The following ANKRD26 variants were observed in gnomAD, a reference collection of about 807,000 sequenced individuals.
The protein encoded by ANKRD26 is ankyrin repeat domain-containing protein 26.
A neutral mutation model predicts 208.7 loss-of-function variants in ANKRD26; 141 were observed. That is an observed-to-expected ratio of 0.68 (90% CI 0.59 to 0.78). The LOEUF (loss-of-function observed/expected upper bound fraction) is 0.78. ANKRD26 is among the 30% of genes least tolerant of loss of function. ANKRD26 has a pLI of 0.00. For missense variants in ANKRD26, 1,889 were observed against 1,938.7 expected (o/e 0.97, Z 0.48); for synonymous variants, 636 against 660.4 (o/e 0.96, Z 0.57).
chr10:27,028,336 C>T (rs1279505465), intron 27 of ANKRD26, among the ~76,000 whole-genome samples: 9 of 152,038 alleles, frequency 5.9e-5, no homozygotes, highest in East Asian at 1.9e-4. Flanking sequence ...GTGGCTCATA[C>T]CTGTAATCCC....
chr10:27,082,866 TCAA>T (rs1246363304), intron 5 of ANKRD26, 33 bp from the exon 6 acceptor site: 1 of 1,569,018 alleles, frequency 6.4e-7, no homozygotes, highest in Non-Finnish European at 8.7e-7. Context: ...ACACTTTAAA[TCAA>T]CAATAGAAAA....
intron 1 of ANKRD26, among the ~76,000 whole-genome samples, chr10:27,097,985 C>T: frequency 6.6e-6 from 1 of 151,626 alleles, no homozygotes; most frequent in East Asian, 2.0e-4. Context: ...TTTTTATTGT[C>T]ATAAGGACAC....
chr10:27,040,232 C>T (rs1003497280), intron 20 of ANKRD26, 54 bp from the exon 21 acceptor site: 79 of 1,268,926 alleles, frequency 6.2e-5, no homozygotes, highest in Non-Finnish European at 8.0e-5. Flanking sequence ...CCATATAACA[C>T]ACTGTGCACT....
At chr10:27,074,416 CACGG>C in intron 9 of ANKRD26, among the ~76,000 whole-genome samples, 1 of 152,208 alleles carries the variant, frequency 6.6e-6, no homozygotes, top group African/African-American at 2.4e-5. Flanking sequence ...CATGGTGGCT[CACGG>C]CTGCAATCCC....
chr10:27,038,647 T>C (rs1376334165), intron 21 of ANKRD26, among the ~76,000 whole-genome samples: 2 of 140,376 alleles, frequency 1.4e-5, no homozygotes, highest in African/African-American at 5.8e-5. Context: ...TGAGATTCCA[T>C]CTCAAAAAAA....
intron 21 of ANKRD26, among the ~76,000 whole-genome samples, chr10:27,038,600 G>A (rs537564915): frequency 2.8e-4 from 42 of 150,812 alleles, no homozygotes; most frequent in African/African-American, 4.6e-4. Context: ...GCAGTGAGCC[G>A]AGATTGTGCC....
At chr10:27,083,112 C>G (rs986173960) in intron 5 of ANKRD26, among the ~76,000 whole-genome samples, 2 of 152,144 alleles carry the variant, frequency 1.3e-5, no homozygotes, top group Non-Finnish European at 2.9e-5. Context: ...ACCTAGGAAT[C>G]AGCTGAGATT....
chr10:27,020,154 AATT>A (rs139320201), intron 29 of ANKRD26, among the ~76,000 whole-genome samples: 2,213 of 152,254 alleles, frequency 0.015, 33 homozygotes, highest in Middle Eastern at 0.031. Context: ...TCATGGGATG[AATT>A]ATTTTCTCCT....
chr10:27,020,023 A>G (rs1376507609), intron 29 of ANKRD26, among the ~76,000 whole-genome samples: 1 of 152,162 alleles, frequency 6.6e-6, no homozygotes, highest in Non-Finnish European at 1.5e-5. Context: ...CTGGGTTCCA[A>G]CGGCAAGGAG....
intron 5 of ANKRD26, among the ~76,000 whole-genome samples, chr10:27,086,140 A>C (rs925981413): frequency 8.5e-5 from 13 of 152,140 alleles, no homozygotes; most frequent in Non-Finnish European, 1.5e-4. Context: ...ACTGTAATTA[A>C]TATTCATTTA....
chr10:27,013,959 C>T (rs1426806557), intron 31 of ANKRD26, among the ~76,000 whole-genome samples: 1 of 152,160 alleles, frequency 6.6e-6, no homozygotes, highest in Non-Finnish European at 1.5e-5. Flanking sequence ...GTTAATCATT[C>T]CCTATTTCAC....
chr10:26,973,846 G>A (rs998326384), downstream of ANKRD26, among the ~76,000 whole-genome samples: 7 of 151,492 alleles, frequency 4.6e-5, no homozygotes, highest in African/African-American at 7.3e-5. Flanking sequence ...TAGTAGAGAC[G>A]GGGTTTCGCC....
intron 29 of ANKRD26, among the ~76,000 whole-genome samples, chr10:27,019,735 T>C (rs894363469): frequency 6.6e-5 from 10 of 152,380 alleles, no homozygotes; most frequent in Non-Finnish European, 1.3e-4. Context: ...ATTTATCAGA[T>C]TCTACTTTAA....
chr10:27,007,072 C>A, intron 32 of ANKRD26, 110 bp from the exon 33 acceptor site: 1 of 711,482 alleles, frequency 1.4e-6, no homozygotes, highest in Non-Finnish European at 2.5e-6. Flanking sequence ...AAAGACTACA[C>A]TTAACTTGAT....
intron 9 of ANKRD26, among the ~76,000 whole-genome samples, chr10:27,070,101 T>TA (rs34493349): frequency 0.1 from 11,368 of 109,018 alleles, 1,658 homozygotes; most frequent in African/African-American, 0.32. Flanking sequence ...ACTCTGTATT[T>TA]AAAAAAAAAA....
rs765715267 is a variant in ANKRD26 at position 27,005,711 on chromosome 10, A to C, written c.5012T>G (p.Leu1671Trp). Residue 1671 changes from leucine to tryptophan, a missense_variant, in exon 34 of 34, where the codon TTG (leucine) becomes TGG (tryptophan). This residue lies in a region of ANKRD26 where 613 missense variants were observed against 648.2 expected (regional missense o/e 0.95). Coordinates refer to ENST00000376087, the MANE Select transcript of ANKRD26 (RefSeq NM_014915.3). ...AGGGGAAGCTATTGATCCAGATTCCAATTCAGCAGCAGCTAGAATGAAAAA... is the reference window on the plus strand; with the variant it reads ...AGGGGAAGCTATTGATCCAGATTCCCATTCAGCAGCAGCTAGAATGAAAAA... ...TRELKEAAAE[L>W]ESGSIASPLG... 1.2e-6 allele frequency: 2 copies of C among 1,609,076 alleles called. No homozygotes were observed. The highest frequency in any genetic ancestry group is 4.5e-5 in the East Asian group (2 of 44,710).
At chr10:26,994,991 C>G in intron 5 of ANKRD26, 1 of 464,816 alleles carries the variant, frequency 2.2e-6, no homozygotes, top group Non-Finnish European at 4.5e-6. Context: ...ACAGCATATC[C>G]TGCTCTAACA....
At chr10:27,054,456 G>A (rs1055711540) in intron 15 of ANKRD26, among the ~76,000 whole-genome samples, 1 of 152,000 alleles carries the variant, frequency 6.6e-6, no homozygotes, top group African/African-American at 2.4e-5. Flanking sequence ...GTGGTGGTGT[G>A]TGCCTGTGAT....
intron 25 of ANKRD26, 76 bp downstream of exon 25, chr10:27,033,149 T>A: frequency 9.0e-7 from 1 of 1,112,840 alleles, no homozygotes; most frequent in African/African-American, 1.6e-5. Context: ...GGCTACCCAC[T>A]AAATTAGTAT....
Sources: gnomAD v4.1 joint callset for allele counts (sites outside exome capture counted in the v4.1 genomes callset) on GRCh38, gnomAD v4.1.1 for gene constraint, gnomAD v4.1.1 regional missense constraint, MANE v1.5 for transcripts, NCBI Gene and HGNC (gene_info 2026-07-23, HGNC 2026-07-21) for gene names.